CLEC9A: variants seen among roughly 807,000 people sequenced by gnomAD.
CLEC9A encodes the protein C-type lectin domain family 9 member A.
CLEC9A carries 24 observed loss-of-function variants against 30.0 expected under a neutral mutation model. The ratio of observed to expected loss-of-function variants is 0.80; its 90% CI spans 0.58 to 1.13. The LOEUF is 1.13. Among genes scored for constraint, CLEC9A ranks in the 50% most tolerant of loss-of-function variants. The pLI, the probability that CLEC9A is intolerant of heterozygous loss-of-function variation, is 0.00. For missense variants in CLEC9A, 251 were observed against 280.9 expected, an observed-to-expected ratio of 0.89 and a Z score of 0.76; for synonymous variants, 111 against 96.8, an observed-to-expected ratio of 1.15 and a Z score of -0.86.
rs2137317702 is a variant in CLEC9A, at chr12:10,065,792, A to G, written c.*160A>G. On this transcript the variant is annotated 3_prime_UTR_variant, in exon 9 of 9. Transcript: ENST00000355819. ...ATAATACACTTGGGAATATTCTTCCACACCGTCCAGATTTCATTTGATGTT... is the reference window on the plus strand; with the variant it reads ...ATAATACACTTGGGAATATTCTTCCGCACCGTCCAGATTTCATTTGATGTT... The G allele has an allele frequency of 1.5e-6, 1 of 658,596 alleles. No individual in the cohort carries two copies. Among genetic ancestry groups the G allele is most frequent in the East Asian group, 2.9e-5 (1 of 34,896 alleles). 40.8% of individuals were successfully genotyped at this position (658,596 alleles called of 1,614,324 possible).
chr12:10,065,774 A>G lies in CLEC9A; in HGVS notation c.*142A>G, dbSNP rs1866040754. The G allele has an allele frequency of 2.6e-6, 2 of 760,846 alleles. No homozygotes were observed. The highest frequency in any genetic ancestry group is 4.2e-6 in the Non-Finnish European group (2 of 474,448). The allele number at this position is 760,846 out of a possible 1,614,324, so 47.1% of individuals were successfully genotyped here. A position where few individuals can be genotyped will look rare whatever the true frequency, so the allele number is the denominator to read the frequency against. ...TTAGCAACCTGGGACTCAATAATAC[A>G]CTTGGGAATATTCTTCCACACCGTC... On this transcript the variant is annotated 3_prime_UTR_variant, in exon 9 of 9. Coordinates refer to ENST00000355819, the MANE Select transcript of CLEC9A (RefSeq NM_207345.4).
intron 3 of CLEC9A, 45 bp from the exon 4 acceptor site, chr12:10,052,585 T>C: frequency 1.3e-6 from 2 of 1,516,450 alleles, no homozygotes; most frequent in Non-Finnish European, 1.8e-6. Context: ...ACTGTGAAAA[T>C]GTAACCAATT....
At chr12:10,054,224 T>A (rs928823646) in intron 4 of CLEC9A, 47 bp from the exon 5 acceptor site, 2 of 1,470,114 alleles carry the variant, frequency 1.4e-6, no homozygotes, top group Non-Finnish European at 1.9e-6. Flanking sequence ...CCGTCTTTTT[T>A]ATCTGCTTTC....
intron 4 of CLEC9A, among the ~76,000 whole-genome samples, chr12:10,053,349 G>T (rs1474402401): frequency 6.6e-6 from 1 of 152,198 alleles, no homozygotes; most frequent in South Asian, 2.1e-4. Flanking sequence ...TGTTGGCAGG[G>T]ATCGAGTGGA....
intron 2 of CLEC9A, among the ~76,000 whole-genome samples, chr12:10,049,676 T>C (rs575193546): frequency 3.7e-4 from 56 of 152,300 alleles, no homozygotes; most frequent in African/African-American, 1.3e-3. Context: ...CTCTCACTCA[T>C]CACAGAATTG....
intron 2 of CLEC9A, among the ~76,000 whole-genome samples, chr12:10,046,636 A>C (rs530443700): frequency 5.9e-5 from 9 of 152,328 alleles, no homozygotes; most frequent in Admixed American, 1.3e-4. Context: ...TCCCTTCTTT[A>C]ACTAGTGAAT....
At chr12:10,036,438 C>T (rs1865744690) in intron 1 of CLEC9A, among the ~76,000 whole-genome samples, 1 of 152,198 alleles carries the variant, frequency 6.6e-6, no homozygotes, top group Non-Finnish European at 1.5e-5. Flanking sequence ...GACTGAATAT[C>T]ACTAATAGAA....
intron 7 of CLEC9A, among the ~76,000 whole-genome samples, chr12:10,064,470 C>T (rs528904676): frequency 1.3e-5 from 2 of 152,276 alleles, no homozygotes; most frequent in South Asian, 2.1e-4. Flanking sequence ...ACGTATACTA[C>T]CTGCCAGGCT....
intron 1 of CLEC9A, among the ~76,000 whole-genome samples, chr12:10,039,693 A>T (rs909942295): frequency 2.0e-5 from 3 of 152,192 alleles, no homozygotes; most frequent in Non-Finnish European, 2.9e-5. Flanking sequence ...CTCCAGTGGC[A>T]CATTGTAGTC....
chr12:10,063,324 A>C, intron 7 of CLEC9A, 118 bp downstream of exon 7: 2 of 978,054 alleles, frequency 2.0e-6, no homozygotes, highest in Non-Finnish European at 2.7e-6. Flanking sequence ...GTATAATTGT[A>C]AAAATAAAGG....
rs1866012181 is a variant in CLEC9A at position 10,063,170 on chromosome 12, T to C, written c.435T>C (p.Gly145=). Residue 145 remains glycine, a synonymous_variant, in exon 7 of 9, where the codon GGT becomes GGC. Coordinates refer to ENST00000355819, the MANE Select transcript of CLEC9A (RefSeq NM_207345.4). ...GTCAAGAGAATTGTTTAAAGGAAGG[T>C]TCCACGCTGCTACAAATAGAGAGCA... is the stretch of plus-strand genomic sequence containing the variant. ...HTSQENCLKE[G]STLLQIESKE... The C allele has an allele frequency of 6.2e-7, 1 of 1,610,442 alleles. No homozygotes were observed. Among genetic ancestry groups the C allele is most frequent in the Non-Finnish European group, 8.5e-7 (1 of 1,178,880 alleles).
intron 2 of CLEC9A, among the ~76,000 whole-genome samples, chr12:10,043,647 GC>G (rs1865817900): frequency 1.4e-5 from 2 of 141,552 alleles, no homozygotes; most frequent in Non-Finnish European, 3.0e-5. Context: ...TCTTTAAATT[GC>G]TCTGATTCTC....
chr12:10,053,457 C>A (rs968108449), intron 4 of CLEC9A, among the ~76,000 whole-genome samples: 1 of 152,182 alleles, frequency 6.6e-6, no homozygotes, highest in Non-Finnish European at 1.5e-5. Context: ...ACAACATAAC[C>A]TCTTTAAATG....
At chr12:10,062,205 A>G (rs1192867144) in intron 6 of CLEC9A, among the ~76,000 whole-genome samples, 1 of 152,232 alleles carries the variant, frequency 6.6e-6, no homozygotes, top group East Asian at 1.9e-4. Context: ...ATTTCAAACA[A>G]AAGATATTGA....
rs1298970629 is a variant in CLEC9A, at chr12:10,030,989, G to A, written c.-318+17G>A. ...GCAGAAGAGGTAAGAACCACTGGCA[G>A]TAGGGTGGAAGGTATGTCATTACAG... On this transcript the variant is annotated intron_variant, in intron 1 of 8. Transcript: ENST00000355819. 2 of 152,224 alleles carry A rather than the reference G, an allele frequency of 1.3e-5. No individual in the cohort carries two copies. The highest frequency in any genetic ancestry group is 4.8e-5 in the African/African-American group (2 of 41,444). The allele number at this position is 152,224 out of a possible 1,614,324, so 9.4% of individuals were successfully genotyped here.
chr12:10,037,017 C>T (rs1034367983), intron 1 of CLEC9A, among the ~76,000 whole-genome samples: 2 of 152,174 alleles, frequency 1.3e-5, no homozygotes, highest in Non-Finnish European at 2.9e-5. Context: ...TATTTCTGGT[C>T]ACAAAAACAT....
At chr12:10,057,940 A>G (rs1357540714) in intron 5 of CLEC9A, among the ~76,000 whole-genome samples, 5 of 152,272 alleles carry the variant, frequency 3.3e-5, no homozygotes, top group African/African-American at 1.2e-4. Context: ...TCAATTAGGT[A>G]TAATGTATGA....
intron 1 of CLEC9A, among the ~76,000 whole-genome samples, chr12:10,037,573 A>G (rs144266841): frequency 7.2e-5 from 11 of 152,198 alleles, no homozygotes; most frequent in African/African-American, 2.2e-4. Flanking sequence ...AGACACGCCA[A>G]TTCACCTAAC....
intron 6 of CLEC9A, among the ~76,000 whole-genome samples, chr12:10,061,527 G>T (rs1865998062): frequency 6.6e-6 from 1 of 151,974 alleles, no homozygotes; most frequent in East Asian, 1.9e-4. Context: ...GCAATTAGTA[G>T]GTCAGATTAA....
Sources: gnomAD v4.1 joint callset for allele counts (sites outside exome capture counted in the v4.1 genomes callset) on GRCh38, gnomAD v4.1.1 for gene constraint, MANE v1.5 for transcripts, NCBI Gene and HGNC (gene_info 2026-07-23, HGNC 2026-07-21) for gene names.